The following IRF2 variants were observed in gnomAD, a reference collection of about 807,000 sequenced individuals.
The protein encoded by IRF2 is interferon regulatory factor 2.
IRF2 carries 15 observed loss-of-function variants against 40.6 expected under a neutral mutation model. The observed-to-expected ratio is 0.37, with a 90% confidence interval of 0.25 to 0.57. The LOEUF (loss-of-function observed/expected upper bound fraction) is 0.57. Ranked by LOEUF, IRF2 falls within the 20% of genes least tolerant of loss-of-function variation. The pLI, the probability that IRF2 is intolerant of heterozygous loss-of-function variation, is 0.77. For missense variants in IRF2, 317 were observed against 455.7 expected, an observed-to-expected ratio of 0.70 and a Z score of 2.77; for synonymous variants, 151 against 165.5, an observed-to-expected ratio of 0.91 and a Z score of 0.67.
chr4:184,461,007 C>T (rs1042765388), intron 1 of IRF2, among the ~76,000 whole-genome samples: 27 of 152,184 alleles, frequency 1.8e-4, no homozygotes, highest in African/African-American at 6.5e-4. Flanking sequence ...TTCCAATCCA[C>T]ATAAAAATTT....
At chr4:184,456,355 A>G (rs145766565) in intron 1 of IRF2, among the ~76,000 whole-genome samples, 2 of 152,340 alleles carry the variant, frequency 1.3e-5, no homozygotes, top group African/African-American at 2.4e-5. Flanking sequence ...CTCAGGTGGA[A>G]GGGAAGAAAG....
intron 1 of IRF2, among the ~76,000 whole-genome samples, chr4:184,430,257 T>G (rs1401446052): frequency 7.5e-6 from 1 of 133,404 alleles, no homozygotes; most frequent in Non-Finnish European, 1.7e-5. Flanking sequence ...CCCCTGGGCC[T>G]CACCCTGGGC....
At chr4:184,410,435 T>C (rs555085383) in intron 5 of IRF2, among the ~76,000 whole-genome samples, 6 of 152,222 alleles carry the variant, frequency 3.9e-5, no homozygotes, top group Non-Finnish European at 7.3e-5. Flanking sequence ...TGACCTCTGA[T>C]GGACCATGCT....
At chr4:184,451,874 A>C (rs1272064131) in intron 1 of IRF2, among the ~76,000 whole-genome samples, 1 of 152,166 alleles carries the variant, frequency 6.6e-6, no homozygotes, top group African/African-American at 2.4e-5. Flanking sequence ...AGGCAATTAA[A>C]AATACAAATC....
intron 5 of IRF2, among the ~76,000 whole-genome samples, chr4:184,411,218 G>A (rs976333268): frequency 8.6e-5 from 13 of 151,854 alleles, no homozygotes; most frequent in South Asian, 8.3e-4. Context: ...CCACCATGCC[G>A]GGCTAATTTT....
Position 184,408,125 on chromosome 4 carries a change from A to G in IRF2, c.529+33T>C. On this transcript the variant is annotated intron_variant, in intron 6 of 8. Transcript: ENST00000393593. The surrounding 1 kb of genome is among the most constrained non-coding windows in gnomAD (Gnocchi z 4.9). ...TTTTAGGCCCCAGGGGGCTGCTGGT[A>G]TGTATAAAAAATGAGACGTCAAAAC... 3 of 1,289,436 alleles carry G rather than the reference A, an allele frequency of 2.3e-6. No individual in the cohort carries two copies. Among genetic ancestry groups the G allele is most frequent in the Non-Finnish European group, 3.4e-6 (3 of 887,990 alleles). The allele number at this position is 1,289,436 out of a possible 1,614,324, so 79.9% of individuals were successfully genotyped here.
In IRF2 at chr4:184,398,930, C is replaced by T. The variant is rs753118859; in HGVS notation, c.679G>A (p.Val227Met). 14 of 1,607,124 alleles carry T rather than the reference C, an allele frequency of 8.7e-6. No individual in the cohort carries two copies. Among genetic ancestry groups the T allele is most frequent in the South Asian group, 6.6e-5 (6 of 90,352 alleles). Reference sequence around the variant, plus strand: ...TGACGCTTACCTGCATAGGAAGACACGGGGGAGATCTGCAGAGGGTAGAGC... The same window carrying T: ...TGACGCTTACCTGCATAGGAAGACATGGGGGAGATCTGCAGAGGGTAGAGC... ...SELYPLQISPVSSYAESETTD... is the reference protein window; with the variant it reads ...SELYPLQISPMSSYAESETTD... Residue 227 changes from valine (V) to methionine (M), a missense_variant, in exon 7 of 9, where the codon GTG becomes ATG. By Grantham distance (21) the Val-to-Met change is conservative. Coordinates refer to ENST00000393593, the MANE Select transcript of IRF2 (RefSeq NM_002199.4).
chr4:184,470,067 G>C (rs56174189), intron 1 of IRF2, among the ~76,000 whole-genome samples: 24,326 of 152,130 alleles, frequency 0.16, 2,207 homozygotes, highest in Middle Eastern at 0.28. Context: ...TCAGCACACT[G>C]TGCATGAAGC....
In IRF2 at chr4:184,421,170, A is replaced by G. The variant is rs1393390001; in HGVS notation, c.88-1602T>C. Among the ~76,000 whole-genome samples the G allele has an allele frequency of 2.0e-5, 3 of 152,354 alleles. No individual in the cohort carries two copies. In the East Asian group the frequency reaches 5.8e-4, roughly 29 times the overall value. ...CATAGTGAAACACAGAAAGGGTCCC[A>G]GCTGTCCCCAAAGAGATTCAGCGCC... is the stretch of plus-strand genomic sequence containing the variant. On this transcript the variant is annotated intron_variant, in intron 2 of 8. Coordinates refer to ENST00000393593, the MANE Select transcript of IRF2 (RefSeq NM_002199.4).
intron 5 of IRF2, among the ~76,000 whole-genome samples, chr4:184,412,368 A>G (rs888250860): frequency 4.0e-5 from 6 of 151,232 alleles, no homozygotes; most frequent in Admixed American, 3.3e-4. Flanking sequence ...CAGCAGAGGG[A>G]CTCCCCTCTG....
rs78759201 is a variant in IRF2, at chr4:184,410,171, G to C, written c.412-1896C>G. On this transcript the variant is annotated intron_variant, in intron 5 of 8. Transcript: ENST00000393593. ...TCAGAAGGGCCTGGAGCAAAGCCTG[G>C]CACCTCCACTCCTCACTGGTTGCAG... is the stretch of plus-strand genomic sequence containing the variant. Among the ~76,000 whole-genome samples, 254 of 152,242 alleles carry C rather than the reference G, an allele frequency of 1.7e-3. 8 individuals carry two copies. The East Asian group carries it at 0.046, about 28-fold the overall frequency.
At position 184,410,567 on chromosome 4, in the gene IRF2, C is replaced by T. The variant is rs562367989; in HGVS notation, c.412-2292G>A. Among the ~76,000 whole-genome samples, 9 of 152,314 alleles carry T rather than the reference C, an allele frequency of 5.9e-5. No individual in the cohort carries two copies. The South Asian group carries it at 1.9e-3, about 32-fold the overall frequency. On this transcript the variant is annotated intron_variant, in intron 5 of 8. Coordinates refer to ENST00000393593, the MANE Select transcript of IRF2 (RefSeq NM_002199.4). ...GTCAGTTTCCCCACCCCGAGTCATGCCCCACCTTTCACTAGTCCACCTCCA... is the reference window on the plus strand; with the variant it reads ...GTCAGTTTCCCCACCCCGAGTCATGTCCCACCTTTCACTAGTCCACCTCCA...
intron 5 of IRF2, among the ~76,000 whole-genome samples, chr4:184,415,492 G>A (rs1019134716): frequency 1.3e-5 from 2 of 152,160 alleles, no homozygotes; most frequent in Admixed American, 6.5e-5. Flanking sequence ...CCAGACAAAC[G>A]GGACCACCAC....
At chr4:184,436,812 A>G (rs1738096503) in intron 1 of IRF2, among the ~76,000 whole-genome samples, 1 of 152,228 alleles carries the variant, frequency 6.6e-6, no homozygotes, top group South Asian at 2.1e-4. Flanking sequence ...AGAAGCAAGC[A>G]CTGGGTATTT....
At chr4:184,404,171 C>T (rs1409823744) in intron 6 of IRF2, among the ~76,000 whole-genome samples, 1 of 152,038 alleles carries the variant, frequency 6.6e-6, no homozygotes, top group Non-Finnish European at 1.5e-5. Flanking sequence ...AGCTGAAACC[C>T]AGAGCTCAGG....
chr4:184,408,397 T>G lies in IRF2; in HGVS notation c.412-122A>C. 1 of 701,450 alleles carries G rather than the reference T, an allele frequency of 1.4e-6. No homozygotes were observed. Among genetic ancestry groups the G allele is most frequent in the East Asian group, 2.5e-5 (1 of 39,666 alleles). The allele number at this position is 701,450 out of a possible 1,614,324, so 43.5% of individuals were successfully genotyped here. Reference sequence around the variant, plus strand: ...GGGTCATTCATGTTCAGCTGCCGAATACATTCATCCCCTGCTTCTTTAAAC... The same window carrying G: ...GGGTCATTCATGTTCAGCTGCCGAAGACATTCATCCCCTGCTTCTTTAAAC... On this transcript the variant is annotated intron_variant, in intron 5 of 8. Transcript: ENST00000393593. This position sits in a 1 kb window ranked among gnomAD's most constrained non-coding sequence, Gnocchi z 4.9.
chr4:184,398,140 G>A (rs1437291881), intron 7 of IRF2, among the ~76,000 whole-genome samples: 1 of 152,220 alleles, frequency 6.6e-6, no homozygotes, highest in African/African-American at 2.4e-5. Context: ...GAAGGCTGAG[G>A]TCAAGTCCTG....
At chr4:184,444,840 T>C (rs370720415) in intron 1 of IRF2, among the ~76,000 whole-genome samples, 45 of 152,246 alleles carry the variant, frequency 3.0e-4, no homozygotes, top group African/African-American at 1.1e-3. Flanking sequence ...CAGTTGACCA[T>C]GGGTAACTGT....
At position 184,440,290 on chromosome 4, in the gene IRF2, C is replaced by G. The variant is rs926310879; in HGVS notation, c.-6-11220G>C. Among the ~76,000 whole-genome samples the G allele has an allele frequency of 2.6e-5, 4 of 152,364 alleles. No homozygotes were observed. In the East Asian group the frequency reaches 7.7e-4, roughly 29 times the overall value. On this transcript the variant is annotated intron_variant, in intron 1 of 8. Transcript: ENST00000393593. Reference sequence around the variant, plus strand: ...CAGGGGCTCTCCGCTCTGCCCCGAGCTGCTGCAGCGTCCCTGTCCCGGCCA... The same window carrying G: ...CAGGGGCTCTCCGCTCTGCCCCGAGGTGCTGCAGCGTCCCTGTCCCGGCCA...
Sources: allele counts gnomAD v4.1 joint callset (sites outside exome capture counted in the v4.1 genomes callset), GRCh38; gene constraint gnomAD v4.1.1; non-coding constraint Gnocchi (gnomAD v3.1); transcripts MANE v1.5; gene names NCBI Gene and HGNC (gene_info 2026-07-23, HGNC 2026-07-21).